BCAR1: variants seen among roughly 807,000 people sequenced by gnomAD.
BCAR1 encodes BCAR1 scaffold protein, Cas family member.
A neutral mutation model predicts 67.6 loss-of-function variants in BCAR1; 30 were observed. That is an observed-to-expected ratio of 0.44 (90% CI 0.33 to 0.60). BCAR1 has a LOEUF of 0.60. BCAR1 is among the 20% of genes least tolerant of loss of function. The pLI is 0.02. For synonymous variants in BCAR1, 626 were observed against 556.7 expected, an observed-to-expected ratio of 1.12 and a Z score of -1.75; for missense variants, 1,313 against 1,222.3, an observed-to-expected ratio of 1.07 and a Z score of -1.11.
intron 6 of BCAR1, among the ~76,000 whole-genome samples, chr16:75,233,085 A>G (rs1423184212): frequency 1.3e-5 from 2 of 152,214 alleles, no homozygotes; most frequent in Non-Finnish European, 2.9e-5. Context: ...TATATTTATA[A>G]TAAGGGGCCA....
At chr16:75,255,606 T>G (rs935680708), upstream of BCAR1, among the ~76,000 whole-genome samples, 6 of 144,928 alleles carry the variant, frequency 4.1e-5, no homozygotes, top group Admixed American at 4.1e-4. Context: ...TGAGGCAGGA[T>G]AATTGCTTGA....
chr16:75,263,414 C>T, intron 1 of BCAR1: 2 of 985,444 alleles, frequency 2.0e-6, no homozygotes, highest in Non-Finnish European at 2.4e-6. Context: ...CATGGGAATA[C>T]CCACAGGGTG....
intron 1 of BCAR1, chr16:75,243,614 C>T: frequency 2.3e-6 from 1 of 427,300 alleles, no homozygotes; most frequent in South Asian, 1.7e-5. Flanking sequence ...AATTTAGAAA[C>T]TTCAAACACC....
chr16:75,261,474 TGCTGGCCCGA>T (rs1159850277), intron 1 of BCAR1, among the ~76,000 whole-genome samples: 2 of 152,234 alleles, frequency 1.3e-5, no homozygotes, highest in Non-Finnish European at 2.9e-5. Flanking sequence ...GCCTGCCCCG[TGCTGGCCCGA>T]CTGCTGCAGA....
At chr16:75,251,673 A>T (rs2077684437), upstream of BCAR1, 2 of 995,900 alleles carry the variant, frequency 2.0e-6, no homozygotes, top group Middle Eastern at 5.1e-4. Flanking sequence ...GCCCGATCCC[A>T]GCATGCCCGG....
In BCAR1 at chr16:75,229,826, A is replaced by C; in HGVS notation, c.2298T>G (p.Phe766Leu). 6.2e-7 allele frequency: 1 copy of C among 1,613,450 alleles called. No homozygotes were observed. Among genetic ancestry groups the C allele is most frequent in the Non-Finnish European group, 8.5e-7 (1 of 1,179,994 alleles). Residue 766 changes from phenylalanine to leucine, a missense_variant, in exon 7 of 7, where the codon TTT (phenylalanine) becomes TTG (leucine). This residue lies in a region of BCAR1 where 1,272 missense variants were observed against 1,137.5 expected (regional missense o/e 1.12). Transcript: ENST00000162330. ...GCGGCTGGTTGGTGGCCACGGCGGT[A>C]AAGAAGGCGTCCACGGCGTTGGTCA... Reference protein sequence around the residue: ...TTLTNAVDAFFTAVATNQPPK... With the variant: ...TTLTNAVDAFLTAVATNQPPK...
At chr16:75,267,055 C>T (rs1028052012) in intron 1 of BCAR1, among the ~76,000 whole-genome samples, 1 of 152,216 alleles carries the variant, frequency 6.6e-6, no homozygotes, top group Non-Finnish European at 1.5e-5. Flanking sequence ...CTTCCCCCAG[C>T]TCCCAAAAGC....
intron 1 of BCAR1, chr16:75,263,602 G>A: frequency 1.0e-6 from 1 of 985,418 alleles, no homozygotes. Context: ...CACTCAGGGG[G>A]TCGCTACCCG....
Position 75,229,491 on chromosome 16 carries a change from C to T in BCAR1, c.*20G>A. The T allele has an allele frequency of 6.6e-7, 1 of 1,520,098 alleles. No homozygotes were observed. Among genetic ancestry groups the T allele is most frequent in the Non-Finnish European group, 8.8e-7 (1 of 1,133,844 alleles). The allele number at this position is 1,520,098 out of a possible 1,614,324, so 94.2% of individuals were successfully genotyped here. Reference sequence around the variant, plus strand: ...GGACCGCCGCACCCCTCCCCTGCCTCCCTCCTGGGGTCACCACCCTCAGGC... The same window carrying T: ...GGACCGCCGCACCCCTCCCCTGCCTTCCTCCTGGGGTCACCACCCTCAGGC... On this transcript the variant is annotated 3_prime_UTR_variant, in exon 7 of 7. Coordinates refer to ENST00000162330, the MANE Select transcript of BCAR1 (RefSeq NM_014567.5).
chr16:75,265,990 T>G (rs1316411109), intron 1 of BCAR1: 1 of 1,043,834 alleles, frequency 9.6e-7, no homozygotes, highest in East Asian at 8.2e-5. Flanking sequence ...GTCCGGCCGC[T>G]CCAGCCGCGC....
At chr16:75,245,709 G>A (rs943270838) in intron 1 of BCAR1, among the ~76,000 whole-genome samples, 3 of 152,312 alleles carry the variant, frequency 2.0e-5, no homozygotes, top group Admixed American at 6.5e-5. Flanking sequence ...CCCCGCCTGC[G>A]TCAGCTGGTG....
chr16:75,267,398 G>A (rs1341131807), intron 1 of BCAR1, among the ~76,000 whole-genome samples: 2 of 145,262 alleles, frequency 1.4e-5, no homozygotes, highest in Admixed American at 6.8e-5. Context: ...GCAAGCCGGG[G>A]GGGGGGTGGG....
chr16:75,260,737 ACAAAG>A (rs1451141842), intron 1 of BCAR1, among the ~76,000 whole-genome samples: 2 of 111,930 alleles, frequency 1.8e-5, no homozygotes, highest in African/African-American at 6.1e-5. Context: ...AAAAAATAAA[ACAAAG>A]CAAAGAAAAA....
At chr16:75,266,028 C>T (rs370640145) in intron 1 of BCAR1, 66 of 1,029,292 alleles carry the variant, frequency 6.4e-5, no homozygotes, top group East Asian at 9.3e-5. Flanking sequence ...CGCCGCCCCC[C>T]CCACCGTCTC....
rs1047683608 is a variant in BCAR1 at position 75,235,877 on chromosome 16, G to A, written c.1022C>T (p.Pro341Leu). ...AGCCAGTACCAGTGGGGTGCGGGCC[G>A]GGTCAAAGGGCTTGGCCTTGGCGAA... ...PAFAKAKPFDPARTPLVLAAP... is the reference protein window; with the variant it reads ...PAFAKAKPFDLARTPLVLAAP... The change falls in exon 5 of 7, where the codon CCG becomes CTG. Residue 341 changes from proline (P) to leucine (L), a missense_variant. By Grantham distance (98) the Pro-to-Leu change is moderately conservative. This residue lies in a region of BCAR1 where 1,272 missense variants were observed against 1,137.5 expected (regional missense o/e 1.12). Coordinates refer to ENST00000162330, the MANE Select transcript of BCAR1 (RefSeq NM_014567.5). 5.1e-6 allele frequency: 8 copies of A among 1,562,692 alleles called. No homozygotes were observed. Among genetic ancestry groups the A allele is most frequent in the East Asian group, 4.7e-5 (2 of 42,134 alleles).
chr16:75,253,158 T>C (rs2077712243), upstream of BCAR1, among the ~76,000 whole-genome samples: 1 of 152,080 alleles, frequency 6.6e-6, no homozygotes, highest in African/African-American at 2.4e-5. Context: ...GGAAGCTGCC[T>C]GGAGCATCTC....
chr16:75,257,607 G>A (rs780253313), intron 1 of BCAR1, among the ~76,000 whole-genome samples: 9 of 152,094 alleles, frequency 5.9e-5, no homozygotes, highest in East Asian at 1.9e-4. Context: ...GGTGTGCACC[G>A]CCATGCCTGG....
chr16:75,252,576 T>C (rs1317495443), upstream of BCAR1, among the ~76,000 whole-genome samples: 1 of 151,752 alleles, frequency 6.6e-6, no homozygotes, highest in Non-Finnish European at 1.5e-5. Context: ...TGCAGGGAGA[T>C]GATAGGACCG....
Position 75,242,870 on chromosome 16 carries a change from G to C in BCAR1, c.233C>G (p.Pro78Arg). 6.2e-7 allele frequency: 1 copy of C among 1,609,972 alleles called. No homozygotes were observed. Among genetic ancestry groups the C allele is most frequent in the South Asian group, 1.1e-5 (1 of 90,944 alleles). ...DKKPAGPGPGPPATPAQPQPG... is the reference protein window; with the variant it reads ...DKKPAGPGPGRPATPAQPQPG... Reference sequence around the variant, plus strand: ...CTGAGGCTGGGCCGGGGTGGCGGGAGGGCCGGGGCCAGGCCCTGCTGGCTT... The same window carrying C: ...CTGAGGCTGGGCCGGGGTGGCGGGACGGCCGGGGCCAGGCCCTGCTGGCTT... The change falls in exon 2 of 7, where the codon CCT becomes CGT. Residue 78 changes from proline to arginine, a missense_variant. Pro to Arg is a moderately radical substitution (Grantham distance 103). This residue lies in a region of BCAR1 where 1,272 missense variants were observed against 1,137.5 expected (regional missense o/e 1.12). Transcript: ENST00000162330.
Sources: allele counts gnomAD v4.1 joint callset (sites outside exome capture counted in the v4.1 genomes callset), GRCh38; gene constraint gnomAD v4.1.1; regional missense constraint gnomAD v4.1.1; transcripts MANE v1.5; gene names NCBI Gene and HGNC (gene_info 2026-07-23, HGNC 2026-07-21).